DERL2: variants seen among roughly 807,000 people sequenced by gnomAD.
DERL2 encodes derlin-2.
DERL2 carries 13 observed loss-of-function variants against 32.0 expected under a neutral mutation model. The ratio of observed to expected loss-of-function variants is 0.41; its 90% CI spans 0.26 to 0.65. DERL2 has a LOEUF of 0.65. DERL2 is among the 30% of genes least tolerant of loss of function. DERL2 has a pLI of 0.35. For synonymous variants in DERL2, 111 were observed against 104.7 expected (o/e 1.06, Z -0.37); for missense variants, 208 against 296.3 (o/e 0.70, Z 2.19).
At position 5,476,653 on chromosome 17, in the gene DERL2, T is replaced by C. The variant is rs181957531; in HGVS notation, c.615-1864A>G. ...AAAATTAGCCGGGTGTGGTGGCGCA[T>C]GCCTATGATCCCAGCTACTAGGGAG... On this transcript the variant is annotated intron_variant, in intron 6 of 6. Transcript: ENST00000158771. 2.2e-4 allele frequency among the ~76,000 whole-genome samples: 34 copies of C among 152,244 alleles called. No individual in the cohort carries two copies. In the South Asian group the frequency reaches 4.1e-3, roughly 19 times the overall value.
chr17:5,480,098 G>A lies in DERL2; in HGVS notation c.570C>T (p.Pro190=), dbSNP rs748882450. 1 of 1,610,480 alleles carries A rather than the reference G, an allele frequency of 6.2e-7. No homozygotes were observed. The highest frequency in any genetic ancestry group is 1.1e-5 in the South Asian group (1 of 90,914). Residue 190 remains proline (P), a synonymous_variant, in exon 6 of 7, where the codon CCC becomes CCT. Coordinates refer to ENST00000158771, the MANE Select transcript of DERL2 (RefSeq NM_016041.5). ...GAATTCTTATTCCACCAGGTTGATT[G>A]GGAAATACATCTTCCAAGAAAAAAT... The part of the protein sequence containing the change: ...HIYFFLEDVF[P]NQPGGIRILK...
chr17:5,482,940 G>T, intron 2 of DERL2, 58 bp from the exon 3 acceptor site: 1 of 943,664 alleles, frequency 1.1e-6, no homozygotes, highest in Non-Finnish European at 1.6e-6. Context: ...CCAGGAAACA[G>T]TTCCATATTA....
intron 6 of DERL2, among the ~76,000 whole-genome samples, chr17:5,479,227 T>G (rs1387556307): frequency 6.6e-6 from 1 of 152,144 alleles, no homozygotes; most frequent in Non-Finnish European, 1.5e-5. Flanking sequence ...TTTTAAAAAG[T>G]ACACAAAGAC....
rs201640175 is a variant in DERL2 at position 5,480,587 on chromosome 17, C to G, written c.328-5G>C. 157 of 1,486,586 alleles carry G rather than the reference C, an allele frequency of 1.1e-4. 1 individual carries two copies. In the African/African-American group the frequency reaches 2.0e-3, roughly 19 times the overall value. 92.1% of individuals were successfully genotyped at this position (1,486,586 alleles called of 1,614,324 possible). On this transcript the variant is annotated splice_polypyrimidine_tract_variant and splice_region_variant and intron_variant, in intron 4 of 6. Coordinates refer to ENST00000158771, the MANE Select transcript of DERL2 (RefSeq NM_016041.5). ...GCTCACAAACAGACCAAAAAGCTAG[C>G]AGATGGCATTAAGGAAAATATCAAC...
chr17:5,482,847 C>A lies in DERL2; in HGVS notation c.195G>T (p.Gly65=). 6.6e-7 allele frequency: 1 copy of A among 1,517,360 alleles called. No individual in the cohort carries two copies. The highest frequency in any genetic ancestry group is 9.0e-7 in the Non-Finnish European group (1 of 1,111,054). 94.0% of individuals were successfully genotyped at this position (1,517,360 alleles called of 1,614,324 possible). A position where few individuals can be genotyped will look rare whatever the true frequency, so the allele number is the denominator to read the frequency against. The change falls in exon 3 of 7, where the codon GGG becomes GGT. Residue 65 remains glycine (G), a synonymous_variant. Transcript: ENST00000158771. ...TAAATAAAAAATTGAATCCAACTGG[C>A]CCAAAAAATAAGAAGTTGGTGATTA... ...WRLITNFLFF[G]PVGFNFLFNM...
At chr17:5,478,200 C>T (rs1039425417) in intron 6 of DERL2, among the ~76,000 whole-genome samples, 5 of 149,994 alleles carry the variant, frequency 3.3e-5, no homozygotes, top group African/African-American at 1.2e-4. Flanking sequence ...CTTGTCTCCA[C>T]AAAAAAAAAC....
chr17:5,480,445 G>C lies in DERL2; in HGVS notation c.465C>G (p.Pro155=). 1.2e-6 allele frequency: 2 copies of C among 1,613,800 alleles called. No individual in the cohort carries two copies. Among genetic ancestry groups the C allele is most frequent in the Admixed American group, 1.7e-5 (1 of 59,900 alleles). ...ACAAGGAAAATCCCATGAGCACCCA[G>C]GGCAGAAAGGGGGCCTGGAAGTTGA... ...GLLNFQAPFL[P]WVLMGFSLLL... is the part of the protein sequence containing the mutation. The change falls in exon 5 of 7, where the codon CCC becomes CCG. Residue 155 remains proline, a synonymous_variant. Transcript: ENST00000158771.
At chr17:5,482,775 A>C in intron 3 of DERL2, 34 bp downstream of exon 3, 1 of 1,212,730 alleles carries the variant, frequency 8.2e-7, no homozygotes, top group Non-Finnish European at 1.2e-6. Context: ...CCTAAGAAAA[A>C]GTTTTGATGC....
chr17:5,475,722 C>T (rs145409148), intron 6 of DERL2, among the ~76,000 whole-genome samples: 196 of 152,152 alleles, frequency 1.3e-3, no homozygotes, highest in South Asian at 4.4e-3. Flanking sequence ...GCACTCCAGC[C>T]TGGGCGACAG....
intron 2 of DERL2, among the ~76,000 whole-genome samples, chr17:5,483,584 G>A (rs928696925): frequency 6.6e-6 from 1 of 152,124 alleles, no homozygotes; most frequent in Non-Finnish European, 1.5e-5. Flanking sequence ...GTTTTAAAAT[G>A]TCTACTATCT....
rs1905242027 is a variant in DERL2, at chr17:5,474,023, TGACA to T, written c.*657_*660del. 2 of 152,158 alleles carry T rather than the reference TGACA, an allele frequency of 1.3e-5. No homozygotes were observed. The highest frequency in any genetic ancestry group is 6.5e-5 in the Admixed American group (1 of 15,286). The allele number at this position is 152,158 out of a possible 1,614,324, so 9.4% of individuals were successfully genotyped here. On this transcript the variant is annotated 3_prime_UTR_variant, in exon 7 of 7. Coordinates refer to ENST00000158771, the MANE Select transcript of DERL2 (RefSeq NM_016041.5). This position sits in a 1 kb window ranked among gnomAD's most constrained non-coding sequence, Gnocchi z 4.3. ...CTCCCTCCTTTTTTTTCATGTTGTC[TGACA>T]AAGTTTGGCAAAACCCAGATGCAAA...
At position 5,480,592 on chromosome 17, in the gene DERL2, G is replaced by A; in HGVS notation, c.328-10C>T. 6.8e-7 allele frequency: 1 copy of A among 1,473,234 alleles called. No homozygotes were observed. Among genetic ancestry groups the A allele is most frequent in the South Asian group, 1.5e-5 (1 of 67,370 alleles). 91.3% of individuals were successfully genotyped at this position (1,473,234 alleles called of 1,614,324 possible). A position where few individuals can be genotyped will look rare whatever the true frequency, so the allele number is the denominator to read the frequency against. On this transcript the variant is annotated splice_polypyrimidine_tract_variant and intron_variant, in intron 4 of 6. Coordinates refer to ENST00000158771, the MANE Select transcript of DERL2 (RefSeq NM_016041.5). ...CAAACAGACCAAAAAGCTAGCAGAT[G>A]GCATTAAGGAAAATATCAACATTAA...
intron 6 of DERL2, among the ~76,000 whole-genome samples, chr17:5,475,493 A>C (rs1404717324): frequency 2.0e-5 from 3 of 152,146 alleles, no homozygotes; most frequent in Admixed American, 6.5e-5. Context: ...TCCTGAACTC[A>C]GGTGATCTGC....
rs1472683980 is a variant in DERL2 at position 5,474,093 on chromosome 17, G to A, written c.*591C>T. ...GACAGAAATAAATCATCTTCCTGCT[G>A]AATCTTGCATTCTGAGTTAGTAAGA... On this transcript the variant is annotated 3_prime_UTR_variant, in exon 7 of 7. Transcript: ENST00000158771. This position sits in a 1 kb window ranked among gnomAD's most constrained non-coding sequence, Gnocchi z 4.3. 1 of 152,118 alleles carries A rather than the reference G, an allele frequency of 6.6e-6. No homozygotes were observed. The highest frequency in any genetic ancestry group is 2.4e-5 in the African/African-American group (1 of 41,404). The allele number at this position is 152,118 out of a possible 1,614,324, so 9.4% of individuals were successfully genotyped here.
At chr17:5,483,583 T>C (rs1184707820) in intron 2 of DERL2, among the ~76,000 whole-genome samples, 3 of 152,184 alleles carry the variant, frequency 2.0e-5, no homozygotes, top group African/African-American at 4.8e-5. Flanking sequence ...CGTTTTAAAA[T>C]GTCTACTATC....
In DERL2 at chr17:5,481,239, T is replaced by C. The variant is rs1805450; in HGVS notation, c.327+57A>G. 1 of 1,278,888 alleles carries C rather than the reference T, an allele frequency of 7.8e-7. No homozygotes were observed. The highest frequency in any genetic ancestry group is 1.5e-5 in the African/African-American group (1 of 68,212). The allele number at this position is 1,278,888 out of a possible 1,614,324, so 79.2% of individuals were successfully genotyped here. Reference sequence around the variant, plus strand: ...GAACTGTGGGAGACAGATGACAAGCTTTAGGAAGAGCCAGGGTGTTCTTCA... The same window carrying C: ...GAACTGTGGGAGACAGATGACAAGCCTTAGGAAGAGCCAGGGTGTTCTTCA... On this transcript the variant is annotated intron_variant, in intron 4 of 6. Transcript: ENST00000158771. This position sits in a 1 kb window ranked among gnomAD's most constrained non-coding sequence, Gnocchi z 4.4.
At chr17:5,486,179 G>GCCCCCCCCCCCCCCCCCCCCCCCT, upstream of DERL2, 1 of 1,540,444 alleles carries the variant, frequency 6.5e-7, no homozygotes, top group East Asian at 2.4e-5. Context: ...ACCGTCGCCT[G>GCCCCCCCCCCCCCCCCCCCCCCCT]CCCCACCCCC....
At chr17:5,477,401 T>C (rs1905463112) in intron 6 of DERL2, among the ~76,000 whole-genome samples, 1 of 152,204 alleles carries the variant, frequency 6.6e-6, no homozygotes, top group Admixed American at 6.5e-5. Flanking sequence ...TTCTGGTTGA[T>C]GGTAATTTTC....
chr17:5,485,534 C>A (rs1421081010), intron 1 of DERL2, among the ~76,000 whole-genome samples: 1 of 152,234 alleles, frequency 6.6e-6, no homozygotes, highest in Non-Finnish European at 1.5e-5. Context: ...AATCTACCCA[C>A]CACATGGGCA....
Sources: gnomAD v4.1 joint callset for allele counts (sites outside exome capture counted in the v4.1 genomes callset) on GRCh38, gnomAD v4.1.1 for gene constraint, Gnocchi (gnomAD v3.1) non-coding constraint, MANE v1.5 for transcripts, NCBI Gene and HGNC (gene_info 2026-07-23, HGNC 2026-07-21) for gene names.